Variants in B3GALNT2 observed in about 807,000 individuals in gnomAD.
The protein encoded by B3GALNT2 is beta-1,3-N-acetylgalactosaminyltransferase 2.
In B3GALNT2, 53 loss-of-function variants were observed where a neutral mutation model predicts 61.1. That is an observed-to-expected ratio of 0.87 (90% CI 0.70 to 1.09). The LOEUF is 1.09. Among genes scored for constraint, B3GALNT2 ranks in the 50% least tolerant of loss-of-function variants. B3GALNT2 has a pLI of 0.00. For synonymous variants in B3GALNT2, 223 were observed against 237.4 expected, an observed-to-expected ratio of 0.94 and a Z score of 0.56; for missense variants, 544 against 623.0, an observed-to-expected ratio of 0.87 and a Z score of 1.35.
At chr1:235,443,193 T>TAC (rs386370047), downstream of B3GALNT2, among the ~76,000 whole-genome samples, 7 of 150,204 alleles carry the variant, frequency 4.7e-5, no homozygotes, top group East Asian at 6.4e-4. Flanking sequence ...CACATATATA[T>TAC]ATACACACAC....
At chr1:235,466,114 T>C (rs902756015) in intron 6 of B3GALNT2, among the ~76,000 whole-genome samples, 6 of 152,138 alleles carry the variant, frequency 3.9e-5, no homozygotes, top group African/African-American at 1.2e-4. Context: ...TGGCATGCTT[T>C]AAAGTTAAGA....
rs764693057 is a variant in B3GALNT2, at chr1:235,454,330, A to G, written c.1152-15T>C. 8.7e-6 allele frequency: 14 copies of G among 1,602,886 alleles called. No homozygotes were observed. The highest frequency in any genetic ancestry group is 1.7e-5 in the Admixed American group (1 of 59,078). The stretch of plus-strand genomic sequence containing the variant: ...TCAGTCTGAAACTGAGATGAAAAAT[A>G]ATGTGGCCTCTTGTGTTAGTCTGAC... On this transcript the variant is annotated splice_polypyrimidine_tract_variant and intron_variant, in intron 9 of 11. Coordinates refer to ENST00000366600, the MANE Select transcript of B3GALNT2 (RefSeq NM_152490.5).
Position 235,448,328 on chromosome 1 carries a change from ACTTTT to A in B3GALNT2, c.*1873_*1877del. 7.5e-6 allele frequency: 12 copies of A among 1,609,780 alleles called. No individual in the cohort carries two copies. The highest frequency in any genetic ancestry group is 9.4e-6 in the Non-Finnish European group (11 of 1,176,250). Reference sequence around the variant, plus strand: ...AACTGTCATTTGAGAGAACGAATGGACTTTTCTTGTCTTTTGATAGGCTCCATGAC... The same window carrying A: ...AACTGTCATTTGAGAGAACGAATGGACTTGTCTTTTGATAGGCTCCATGAC... On this transcript the variant is annotated 3_prime_UTR_variant, in exon 12 of 12. Coordinates refer to ENST00000366600, the MANE Select transcript of B3GALNT2 (RefSeq NM_152490.5).
chr1:235,467,596 T>C (rs1683769448), intron 6 of B3GALNT2, among the ~76,000 whole-genome samples: 1 of 151,288 alleles, frequency 6.6e-6, no homozygotes, highest in Non-Finnish European at 1.5e-5. Context: ...GCGATTCTCT[T>C]GCCTCAGCCT....
intron 6 of B3GALNT2, among the ~76,000 whole-genome samples, chr1:235,469,532 G>C (rs1055886287): frequency 2.0e-5 from 3 of 152,056 alleles, no homozygotes; most frequent in African/African-American, 7.2e-5. Context: ...ATAAATGAAA[G>C]TACTCAATCT....
chr1:235,486,152 T>C (rs1684795088), intron 3 of B3GALNT2, among the ~76,000 whole-genome samples: 2 of 152,176 alleles, frequency 1.3e-5, no homozygotes, highest in African/African-American at 4.8e-5. Context: ...CACGTCAGAC[T>C]TCCTAGAAGC....
At chr1:235,455,520 G>A in intron 9 of B3GALNT2, 39 bp downstream of exon 9, 1 of 1,591,064 alleles carries the variant, frequency 6.3e-7, no homozygotes, top group Non-Finnish European at 8.6e-7. Context: ...CATTTGATCA[G>A]GTACACGAAT....
In B3GALNT2 at chr1:235,449,020, CATG is replaced by C. The variant is rs754180159; in HGVS notation, c.*1183_*1185del. On this transcript the variant is annotated 3_prime_UTR_variant, in exon 12 of 12. Transcript: ENST00000366600. ...ATTTTTACAGCTCATCACTGCATTT[CATG>C]ATAAGATTTAAATATTAAATAGAAA... is the stretch of plus-strand genomic sequence containing the variant. 4.4e-5 allele frequency: 17 copies of C among 384,286 alleles called. 1 individual carries two copies. The highest frequency in any genetic ancestry group is 7.0e-5 in the South Asian group (3 of 42,560). The allele number at this position is 384,286 out of a possible 1,614,324, so 23.8% of individuals were successfully genotyped here.
rs1471563924 is a variant in B3GALNT2, at chr1:235,455,643, T to A, written c.1067A>T (p.Asp356Val). Residue 356 changes from aspartate to valine, a missense_variant, in exon 9 of 12, where the codon GAT becomes GTT. Coordinates refer to ENST00000366600, the MANE Select transcript of B3GALNT2 (RefSeq NM_152490.5). ...TTCGAGGTCTATGTAACAGTCATCA[T>A]CTGTCTTCAGCAACAAATTGAAGCT... Reference protein sequence around the residue: ...TTSFNLLLKTDDDCYIDLEAV... With the variant: ...TTSFNLLLKTVDDCYIDLEAV... The A allele has an allele frequency of 6.2e-7, 1 of 1,605,910 alleles. No individual in the cohort carries two copies. Among genetic ancestry groups the A allele is most frequent in the Non-Finnish European group, 8.5e-7 (1 of 1,172,476 alleles).
At chr1:235,441,840 C>T in the B3GALNT2 span, 1 of 1,614,014 alleles carries the variant, frequency 6.2e-7, no homozygotes, top group Non-Finnish European at 8.5e-7. Flanking sequence ...AGATTGGGAA[C>T]TCAAAACACA....
chr1:235,451,468 G>C (rs1682892650), intron 11 of B3GALNT2: 1 of 117,718 alleles, frequency 8.5e-6, no homozygotes, highest in Non-Finnish European at 1.7e-5. Flanking sequence ...ACATGAGATG[G>C]TCACAAAAAA....
intron 4 of B3GALNT2, among the ~76,000 whole-genome samples, chr1:235,483,199 A>G (rs112593307): frequency 0.016 from 2,476 of 152,282 alleles, 21 homozygotes; most frequent in Middle Eastern, 0.037. Context: ...ATACAGATGA[A>G]CAGAAGTTAT....
chr1:235,494,090 C>T (rs1323204611), intron 2 of B3GALNT2, among the ~76,000 whole-genome samples: 1 of 152,146 alleles, frequency 6.6e-6, no homozygotes, highest in Non-Finnish European at 1.5e-5. Context: ...ATTACACATA[C>T]TGCAGATTAC....
chr1:235,496,799 T>G (rs1280652692), intron 1 of B3GALNT2, among the ~76,000 whole-genome samples: 1 of 152,128 alleles, frequency 6.6e-6, no homozygotes, highest in Non-Finnish European at 1.5e-5. Flanking sequence ...CGCCTCGGCC[T>G]CCCAAAGTGC....
intron 9 of B3GALNT2, 51 bp from the exon 10 acceptor site, chr1:235,454,366 C>T (rs1374572017): frequency 4.7e-6 from 7 of 1,497,798 alleles, no homozygotes; most frequent in African/African-American, 2.8e-5. Context: ...ACATATCCTG[C>T]CACTATTAAA....
chr1:235,461,604 C>T (rs1683439923), intron 7 of B3GALNT2, among the ~76,000 whole-genome samples: 1 of 143,608 alleles, frequency 7.0e-6, no homozygotes, highest in Admixed American at 7.6e-5. Flanking sequence ...GCAACCTCTG[C>T]CTCCCAGGTT....
chr1:235,441,887 G>A, the B3GALNT2 span: 3 of 1,613,182 alleles, frequency 1.9e-6, no homozygotes, highest in African/African-American at 1.3e-5. Flanking sequence ...TACTAAGTAA[G>A]AATCTCAGAT....
intron 2 of B3GALNT2, 37 bp downstream of exon 2, chr1:235,494,644 C>T (rs752762603): frequency 6.3e-7 from 1 of 1,589,400 alleles, no homozygotes; most frequent in South Asian, 1.1e-5. Flanking sequence ...ACTCTTATTT[C>T]AATAAACCAG....
At chr1:235,442,710 TAGAA>T (rs1406018917), downstream of B3GALNT2, 13 of 736,704 alleles carry the variant, frequency 1.8e-5, no homozygotes, top group East Asian at 2.7e-5. Flanking sequence ...GAAGGATTAA[TAGAA>T]AGAATTTTAA....
Sources: allele counts gnomAD v4.1 joint callset (sites outside exome capture counted in the v4.1 genomes callset), GRCh38; gene constraint gnomAD v4.1.1; transcripts MANE v1.5; gene names NCBI Gene and HGNC (gene_info 2026-07-23, HGNC 2026-07-21).